The following RBFOX1 variants were observed in gnomAD, a reference collection of about 807,000 sequenced individuals.
RBFOX1 encodes RNA binding protein fox-1 homolog 1.
A neutral mutation model predicts 57.7 loss-of-function variants in RBFOX1; 8 were observed. That is an observed-to-expected ratio of 0.14 (90% CI 0.08 to 0.25). The LOEUF is 0.25. RBFOX1 is among the 10% of genes least tolerant of loss of function. The pLI, the probability that RBFOX1 is intolerant of heterozygous loss-of-function variation, is 1.00. For synonymous variants in RBFOX1, 326 were observed against 222.4 expected, an observed-to-expected ratio of 1.47 and a Z score of -4.15; for missense variants, 611 against 548.5, an observed-to-expected ratio of 1.11 and a Z score of -1.14.
chr16:7,237,256 T>C (rs538402293), intron 4 of RBFOX1, among the ~76,000 whole-genome samples: 1 of 152,296 alleles, frequency 6.6e-6, no homozygotes, highest in Non-Finnish European at 1.5e-5. Flanking sequence ...GATCAGCTGG[T>C]CCCAGCGGGG....
intron 3 of RBFOX1, among the ~76,000 whole-genome samples, chr16:5,771,777 G>C (rs2053985887): frequency 6.6e-6 from 1 of 152,212 alleles, no homozygotes; most frequent in African/African-American, 2.4e-5. Flanking sequence ...TGCTCTGTAT[G>C]TTGTAGGTGC....
At chr16:6,998,743 G>C (rs983880739) in intron 3 of RBFOX1, among the ~76,000 whole-genome samples, 2 of 151,998 alleles carry the variant, frequency 1.3e-5, no homozygotes, top group African/African-American at 4.8e-5. Flanking sequence ...TAATATATCA[G>C]GCTCTCTTGA....
intron 5 of RBFOX1, among the ~76,000 whole-genome samples, chr16:7,545,955 T>G (rs2084356158): frequency 1.3e-5 from 2 of 150,940 alleles, no homozygotes; most frequent in South Asian, 4.2e-4. Flanking sequence ...GCCTTAGAAA[T>G]TGGAAAGTGT....
chr16:6,128,866 G>A (rs186040139), intron 1 of RBFOX1, among the ~76,000 whole-genome samples: 1 of 152,262 alleles, frequency 6.6e-6, no homozygotes. Context: ...GTGCAATCAA[G>A]TGGAAACCCC....
intron 4 of RBFOX1, among the ~76,000 whole-genome samples, chr16:6,000,071 C>T (rs1027478003): frequency 4.6e-5 from 7 of 151,868 alleles, no homozygotes; most frequent in Non-Finnish European, 8.8e-5. Context: ...AGTGATTTGT[C>T]GGAAGAGAGA....
intron 1 of RBFOX1, among the ~76,000 whole-genome samples, chr16:5,326,863 G>A (rs1165975067): frequency 6.6e-6 from 1 of 152,136 alleles, no homozygotes. Context: ...TTATATCTCA[G>A]CAGAAAGCCC....
chr16:7,504,726 TATATATATATATATATATATATATATA>T (rs780133423), intron 4 of RBFOX1, among the ~76,000 whole-genome samples: 23,324 of 46,138 alleles, frequency 0.51, 4,721 homozygotes, highest in Admixed American at 0.56. Flanking sequence ...TATATATATA[TATATATATATATATATATATATATATA>T]TTTATATATA....
chr16:7,591,445 T>C (rs139432413), intron 7 of RBFOX1, among the ~76,000 whole-genome samples: 60 of 152,182 alleles, frequency 3.9e-4, no homozygotes, highest in African/African-American at 1.4e-3. Flanking sequence ...AAGGAAGATA[T>C]CACCTAAAAA....
chr16:6,895,416 A>ATGTGTGTGTG (rs1283665182), intron 3 of RBFOX1, among the ~76,000 whole-genome samples: 16 of 79,878 alleles, frequency 2.0e-4, no homozygotes, highest in African/African-American at 6.7e-4. Flanking sequence ...TGTTAGTAAT[A>ATGTGTGTGTG]TATGTGTGTG....
intron 2 of RBFOX1, among the ~76,000 whole-genome samples, chr16:6,393,579 C>T (rs965774889): frequency 1.3e-5 from 2 of 152,178 alleles, no homozygotes; most frequent in African/African-American, 4.8e-5. Context: ...TTCTCAGTTC[C>T]CTTTCAATCT....
intron 3 of RBFOX1, among the ~76,000 whole-genome samples, chr16:5,700,243 T>G (rs946715146): frequency 6.6e-6 from 1 of 152,208 alleles, no homozygotes; most frequent in Admixed American, 6.5e-5. Context: ...GTGCTGAATT[T>G]ATTATATGCC....
chr16:7,062,012 T>C (rs2054451570), intron 4 of RBFOX1, among the ~76,000 whole-genome samples: 1 of 151,942 alleles, frequency 6.6e-6, no homozygotes. Flanking sequence ...AAACCTGAGA[T>C]GGTCCCAGGA....
At chr16:6,899,147 A>G (rs1024113009) in intron 3 of RBFOX1, among the ~76,000 whole-genome samples, 2 of 150,488 alleles carry the variant, frequency 1.3e-5, no homozygotes, top group Non-Finnish European at 3.0e-5. Context: ...GTGTATGGAC[A>G]CACGTGTATG....
intron 3 of RBFOX1, among the ~76,000 whole-genome samples, chr16:6,948,301 C>G (rs903813011): frequency 6.9e-6 from 1 of 144,078 alleles, no homozygotes; most frequent in African/African-American, 2.6e-5. Context: ...TAATTTAAAA[C>G]AAACAAAATA....
intron 3 of RBFOX1, among the ~76,000 whole-genome samples, chr16:6,802,557 A>T (rs1363265801): frequency 1.3e-5 from 2 of 152,124 alleles, no homozygotes; most frequent in Non-Finnish European, 2.9e-5. Flanking sequence ...CACACCTGTA[A>T]TCCCAGATAC....
At chr16:7,447,406 C>T (rs1345506680) in intron 4 of RBFOX1, among the ~76,000 whole-genome samples, 3 of 135,098 alleles carry the variant, frequency 2.2e-5, no homozygotes, top group African/African-American at 8.4e-5. Flanking sequence ...GCACTCCAGG[C>T]TGGCCAACCG....
chr16:6,579,671 T>A (rs1004433244), intron 2 of RBFOX1, among the ~76,000 whole-genome samples: 3 of 152,200 alleles, frequency 2.0e-5, no homozygotes, highest in Admixed American at 6.5e-5. Context: ...GTGAGTCAGT[T>A]ATACCTCTTT....
At chr16:7,283,427 T>C (rs2141246854) in intron 4 of RBFOX1, among the ~76,000 whole-genome samples, 1 of 152,134 alleles carries the variant, frequency 6.6e-6, no homozygotes, top group South Asian at 2.1e-4. Flanking sequence ...TTAGGGGAGC[T>C]CACTAGGTAG....
chr16:5,373,617 T>TG (rs372881290), intron 1 of RBFOX1, among the ~76,000 whole-genome samples: 1 of 152,018 alleles, frequency 6.6e-6, no homozygotes, highest in Non-Finnish European at 1.5e-5. Context: ...TTTTTTTTTT[T>TG]GTTTTCAGAT....
Sources: gnomAD v4.1 joint callset for allele counts (sites outside exome capture counted in the v4.1 genomes callset) on GRCh38, gnomAD v4.1.1 for gene constraint, MANE v1.5 for transcripts, NCBI Gene and HGNC (gene_info 2026-07-23, HGNC 2026-07-21) for gene names.